The following RIT2 variants were observed in gnomAD, a reference collection of about 807,000 sequenced individuals.
RIT2 encodes Ras like without CAAX 2, also known as GTP-binding protein Rit2.
A neutral mutation model predicts 23.7 loss-of-function variants in RIT2; 24 were observed. The ratio of observed to expected loss-of-function variants is 1.01; its 90% CI spans 0.73 to 1.43. The LOEUF (loss-of-function observed/expected upper bound fraction) is 1.43. Ranked by LOEUF, RIT2 falls within the 40% of genes most tolerant of loss-of-function variation. RIT2 has a pLI of 0.00. For missense variants in RIT2, 236 were observed against 266.9 expected (o/e 0.88, Z 0.81); for synonymous variants, 107 against 91.1 (o/e 1.17, Z -0.99).
chr18:43,038,064 G>A (rs1912023602), intron 1 of RIT2, among the ~76,000 whole-genome samples: 1 of 151,880 alleles, frequency 6.6e-6, no homozygotes, highest in African/African-American at 2.4e-5. Flanking sequence ...AATGGGCTGG[G>A]CATGGTGGTG....
chr18:42,772,423 A>G (rs1567992542), intron 4 of RIT2, among the ~76,000 whole-genome samples: 2 of 152,060 alleles, frequency 1.3e-5, no homozygotes, highest in African/African-American at 4.8e-5. Context: ...GAATTCCCTC[A>G]GCAGTGCCTT....
chr18:42,795,350 C>T (rs374947302), intron 4 of RIT2, among the ~76,000 whole-genome samples: 18 of 152,308 alleles, frequency 1.2e-4, no homozygotes, highest in South Asian at 4.1e-4. Flanking sequence ...CTGCCAGCCC[C>T]GGGCAATGAG....
intron 1 of RIT2, among the ~76,000 whole-genome samples, chr18:43,098,597 A>C (rs1024774168): frequency 1.6e-4 from 24 of 152,128 alleles, no homozygotes; most frequent in African/African-American, 5.5e-4. Context: ...ACGACATAAT[A>C]GTTACAATAA....
intron 1 of RIT2, among the ~76,000 whole-genome samples, chr18:43,110,898 CATAG>C (rs1274365141): frequency 6.6e-6 from 1 of 151,988 alleles, no homozygotes; most frequent in African/African-American, 2.4e-5. Context: ...GTGGGATACA[CATAG>C]ATAGTAAAAT....
chr18:43,092,147 C>A (rs1913437237), intron 1 of RIT2, among the ~76,000 whole-genome samples: 1 of 152,030 alleles, frequency 6.6e-6, no homozygotes, highest in Non-Finnish European at 1.5e-5. Context: ...GAAAAATTAT[C>A]AGAGGATCCA....
chr18:43,070,474 C>T (rs1289792920), intron 1 of RIT2, among the ~76,000 whole-genome samples: 1 of 152,246 alleles, frequency 6.6e-6, no homozygotes, highest in East Asian at 1.9e-4. Context: ...TACAGTGAGT[C>T]CCTGAGTGCG....
chr18:43,024,707 A>AAACAACAACAAC (rs141467663), intron 2 of RIT2, among the ~76,000 whole-genome samples: 5 of 150,214 alleles, frequency 3.3e-5, no homozygotes, highest in African/African-American at 1.2e-4. Flanking sequence ...GAACTCAAAC[A>AAACAACAACAAC]AACAACAACA....
chr18:42,790,240 A>G (rs541333397), intron 4 of RIT2, among the ~76,000 whole-genome samples: 1 of 152,290 alleles, frequency 6.6e-6, no homozygotes, highest in South Asian at 2.1e-4. Flanking sequence ...AAAGCCCTCA[A>G]TTTAGACAAT....
intron 2 of RIT2, among the ~76,000 whole-genome samples, chr18:42,990,302 C>A (rs190745184): frequency 6.6e-6 from 1 of 152,096 alleles, no homozygotes; most frequent in African/African-American, 2.4e-5. Flanking sequence ...TGAATGGGGC[C>A]CATCCACATT....
intron 4 of RIT2, among the ~76,000 whole-genome samples, chr18:42,915,458 T>TCC (rs1485975133): frequency 1.3e-5 from 2 of 152,054 alleles, no homozygotes; most frequent in African/African-American, 4.8e-5. Flanking sequence ...CCGATCCAAT[T>TCC]CCCCAACAGC....
intron 2 of RIT2, among the ~76,000 whole-genome samples, chr18:43,028,421 G>A (rs1489336335): frequency 6.6e-6 from 1 of 152,052 alleles, no homozygotes; most frequent in East Asian, 1.9e-4. Context: ...GTCCAGTGTG[G>A]TTGGTGCATA....
At chr18:42,900,817 C>G (rs547317092) in intron 4 of RIT2, among the ~76,000 whole-genome samples, 1 of 152,108 alleles carries the variant, frequency 6.6e-6, no homozygotes, top group African/African-American at 2.4e-5. Context: ...TCACAGAGAA[C>G]ATAGTAAGAG....
chr18:43,079,937 A>T (rs1913115350), intron 1 of RIT2, among the ~76,000 whole-genome samples: 1 of 152,180 alleles, frequency 6.6e-6, no homozygotes, highest in Non-Finnish European at 1.5e-5. Context: ...CTGCCACAAA[A>T]TCTGCAAATC....
intron 2 of RIT2, among the ~76,000 whole-genome samples, chr18:43,024,019 A>G (rs781340568): frequency 4.1e-4 from 63 of 152,100 alleles, no homozygotes; most frequent in Non-Finnish European, 7.8e-4. Flanking sequence ...GATAGTAAGG[A>G]CATCAAATAA....
chr18:43,099,701 G>T (rs1468746205), intron 1 of RIT2, among the ~76,000 whole-genome samples: 1 of 152,030 alleles, frequency 6.6e-6, no homozygotes, highest in Non-Finnish European at 1.5e-5. Context: ...AGCCATGTAT[G>T]CTCTCTTTTG....
rs1354660050 is a variant in RIT2 at position 42,743,600 on chromosome 18, T to G, written c.547A>C (p.Lys183Gln). The G allele has an allele frequency of 6.2e-7, 1 of 1,614,106 alleles. No homozygotes were observed. Among genetic ancestry groups the G allele is most frequent in the Non-Finnish European group, 8.5e-7 (1 of 1,180,014 alleles). ...ATCAAGGATGGCATGGACTCCTTCT[T>G]GCGAATTTCCCTCACTAAGCCATGA... The part of the protein sequence containing the change: ...AFHGLVREIR[K>Q]KESMPSLMEK... Residue 183 changes from lysine to glutamine, a missense_variant, in exon 5 of 5, where the codon AAG (lysine) becomes CAG (glutamine). Physicochemically the swap from Lys to Gln is moderately conservative, Grantham distance 53. Coordinates refer to ENST00000326695, the MANE Select transcript of RIT2 (RefSeq NM_002930.4).
At chr18:42,814,834 C>A (rs1165214176) in intron 4 of RIT2, among the ~76,000 whole-genome samples, 1 of 152,196 alleles carries the variant, frequency 6.6e-6, no homozygotes, top group Non-Finnish European at 1.5e-5. Context: ...CCGCCGCCAC[C>A]TCCACTGGAT....
At chr18:42,945,993 A>G (rs1010449372) in intron 3 of RIT2, among the ~76,000 whole-genome samples, 4 of 152,078 alleles carry the variant, frequency 2.6e-5, no homozygotes, top group Non-Finnish European at 5.9e-5. Context: ...TTTAATTTCT[A>G]TTTTTTAAAA....
intron 2 of RIT2, among the ~76,000 whole-genome samples, chr18:43,004,534 C>G (rs554097133): frequency 1.3e-5 from 2 of 152,008 alleles, no homozygotes; most frequent in African/African-American, 4.8e-5. Context: ...TTTAAATCTA[C>G]TGGGAGGCCT....
Sources: gnomAD v4.1 joint callset for allele counts (sites outside exome capture counted in the v4.1 genomes callset) on GRCh38, gnomAD v4.1.1 for gene constraint, MANE v1.5 for transcripts, NCBI Gene and HGNC (gene_info 2026-07-23, HGNC 2026-07-21) for gene names.